The following GRM7 variants were observed in gnomAD, a reference collection of about 807,000 sequenced individuals.
GRM7 encodes the protein metabotropic glutamate receptor 7.
A neutral mutation model predicts 84.5 loss-of-function variants in GRM7; 35 were observed. The ratio of observed to expected loss-of-function variants is 0.41; its 90% CI spans 0.32 to 0.55. The LOEUF (loss-of-function observed/expected upper bound fraction) is 0.55. Among genes scored for constraint, GRM7 ranks in the 20% least tolerant of loss-of-function variants. The pLI is 0.19. For synonymous variants in GRM7, 487 were observed against 455.1 expected (o/e 1.07, Z -0.89); for missense variants, 1,003 against 1,194.6 (o/e 0.84, Z 2.36).
At chr3:7,715,360 C>G (rs1468829786) in intron 9 of GRM7, among the ~76,000 whole-genome samples, 3 of 152,148 alleles carry the variant, frequency 2.0e-5, no homozygotes. Context: ...GTAGTCCCAA[C>G]TACTTAGGAG....
At chr3:7,168,709 T>G (rs1402725261) in intron 2 of GRM7, among the ~76,000 whole-genome samples, 1 of 152,190 alleles carries the variant, frequency 6.6e-6, no homozygotes, top group African/African-American at 2.4e-5. Flanking sequence ...ACTAACAATT[T>G]AGCTGCCATT....
chr3:7,586,174 T>C lies in GRM7; in HGVS notation c.2451+6817T>C, dbSNP rs1047043915. 3.3e-5 allele frequency among the ~76,000 whole-genome samples: 5 copies of C among 152,184 alleles called. No homozygotes were observed. The East Asian group carries it at 5.8e-4, about 18-fold the overall frequency. ...GCATACAAACTTAAAAGACTGATGA[T>C]GCAAGATGCTAATGAGGATAAAGAA... On this transcript the variant is annotated intron_variant, in intron 8 of 9. Coordinates refer to ENST00000357716, the MANE Select transcript of GRM7 (RefSeq NM_000844.4).
chr3:7,696,049 A>G (rs961500596), intron 9 of GRM7, among the ~76,000 whole-genome samples: 1 of 152,200 alleles, frequency 6.6e-6, no homozygotes, highest in Non-Finnish European at 1.5e-5. Context: ...CATTATCACA[A>G]AAAATTAAAT....
At chr3:7,621,610 AT>A (rs1697360266) in intron 8 of GRM7, among the ~76,000 whole-genome samples, 1 of 152,086 alleles carries the variant, frequency 6.6e-6, no homozygotes. Flanking sequence ...TTTATAATTT[AT>A]TTTTAAGATG....
intron 2 of GRM7, among the ~76,000 whole-genome samples, chr3:7,232,263 A>C (rs1223098828): frequency 6.6e-6 from 1 of 152,016 alleles, no homozygotes; most frequent in African/African-American, 2.4e-5. Context: ...AAAAAAAAAA[A>C]GTTGAATTCA....
At chr3:7,192,372 C>A (rs916721202) in intron 2 of GRM7, among the ~76,000 whole-genome samples, 1 of 152,042 alleles carries the variant, frequency 6.6e-6, no homozygotes, top group African/African-American at 2.4e-5. Flanking sequence ...CTGGATTGGC[C>A]TCCTCTCCAA....
chr3:7,566,102 T>C lies in GRM7; in HGVS notation c.1516-12320T>C, dbSNP rs1341755950. ...CTGTTTTCTTTGGCTCTGAATCAGC[T>C]GTTTTTTTTTTTTTTTTTTTTTTTT... On this transcript the variant is annotated intron_variant, in intron 7 of 9. Transcript: ENST00000357716. Among the ~76,000 whole-genome samples, 99 of 53,182 alleles carry C rather than the reference T, an allele frequency of 1.9e-3. 1 individual carries two copies. In the Middle Eastern group the frequency reaches 0.039, roughly 21 times the overall value. The allele number at this position is 53,182 out of a possible 152,430, so 34.9% of individuals were successfully genotyped here.
intron 1 of GRM7, among the ~76,000 whole-genome samples, chr3:7,085,275 A>G (rs1341317119): frequency 6.6e-6 from 1 of 152,194 alleles, no homozygotes; most frequent in East Asian, 1.9e-4. Context: ...AAAAATCCAG[A>G]TACCTGAGTT....
At chr3:7,121,540 T>C (rs1410939160) in intron 1 of GRM7, among the ~76,000 whole-genome samples, 1 of 152,200 alleles carries the variant, frequency 6.6e-6, no homozygotes, top group Non-Finnish European at 1.5e-5. Context: ...AATTCCACCG[T>C]AGATTCTTAC....
chr3:7,502,782 G>A (rs1273830655), intron 7 of GRM7, among the ~76,000 whole-genome samples: 5 of 152,286 alleles, frequency 3.3e-5, no homozygotes, highest in Non-Finnish European at 7.4e-5. Flanking sequence ...TTCCTAAGTG[G>A]ATGAGGATAT....
chr3:7,606,855 G>C (rs1195479377), intron 8 of GRM7: 1 of 152,040 alleles, frequency 6.6e-6, no homozygotes, highest in Non-Finnish European at 1.5e-5. Flanking sequence ...AATAATCAAG[G>C]ACATAATGAT....
intron 7 of GRM7, among the ~76,000 whole-genome samples, chr3:7,465,339 C>T (rs1354047527): frequency 6.6e-6 from 1 of 152,114 alleles, no homozygotes; most frequent in Non-Finnish European, 1.5e-5. Flanking sequence ...ATTAGTGTGG[C>T]TACTGAGATA....
At chr3:7,088,848 T>G (rs1698557370) in intron 1 of GRM7, among the ~76,000 whole-genome samples, 2 of 151,316 alleles carry the variant, frequency 1.3e-5, no homozygotes, top group African/African-American at 4.9e-5. Flanking sequence ...TAAGAAGAAT[T>G]TAGTTAGAAC....
intron 1 of GRM7, among the ~76,000 whole-genome samples, chr3:7,122,948 A>G (rs1404109535): frequency 6.6e-6 from 1 of 152,182 alleles, no homozygotes; most frequent in Non-Finnish European, 1.5e-5. Context: ...CAGCTATAAA[A>G]CAAGCATTCC....
At chr3:7,332,075 A>T (rs542658149) in intron 4 of GRM7, among the ~76,000 whole-genome samples, 1 of 152,292 alleles carries the variant, frequency 6.6e-6, no homozygotes, top group African/African-American at 2.4e-5. Context: ...CCTTTCGTCT[A>T]GAGTAGACTT....
chr3:7,566,624 C>T (rs1694285335), intron 7 of GRM7, among the ~76,000 whole-genome samples: 1 of 150,210 alleles, frequency 6.7e-6, no homozygotes, highest in South Asian at 2.1e-4. Context: ...ACTGGCAGAA[C>T]TATTTCAGAA....
intron 1 of GRM7, among the ~76,000 whole-genome samples, chr3:7,075,495 G>GGTGT (rs1559422641): frequency 1.0e-5 from 1 of 96,930 alleles, no homozygotes; most frequent in Admixed American, 1.0e-4. Flanking sequence ...TTGCTTCTCA[G>GGTGT]ATGTGTGTGT....
At chr3:7,374,843 C>T (rs1190266930) in intron 4 of GRM7, among the ~76,000 whole-genome samples, 1 of 152,002 alleles carries the variant, frequency 6.6e-6, no homozygotes, top group Admixed American at 6.6e-5. Context: ...TAAACCTAAG[C>T]TTCCTTAAGT....
At chr3:7,234,167 C>T (rs1325179998) in intron 2 of GRM7, among the ~76,000 whole-genome samples, 2 of 152,000 alleles carry the variant, frequency 1.3e-5, no homozygotes, top group African/African-American at 2.4e-5. Flanking sequence ...TACCTAGAAA[C>T]AATGTTTTAA....
Sources: allele counts gnomAD v4.1 joint callset (sites outside exome capture counted in the v4.1 genomes callset), GRCh38; gene constraint gnomAD v4.1.1; transcripts MANE v1.5; gene names NCBI Gene and HGNC (gene_info 2026-07-23, HGNC 2026-07-21).